Variants in OPRPN observed in about 807,000 individuals in gnomAD.
OPRPN encodes opiorphin prepropeptide.
A neutral mutation model predicts 2.2 loss-of-function variants in OPRPN; 1 was observed. The ratio of observed to expected loss-of-function variants is 0.45; its 90% confidence interval spans 0.16 to 2.15. The LOEUF is 2.15. Among genes scored for constraint, OPRPN ranks in the 30% most tolerant of loss-of-function variants. The pLI, the probability that OPRPN is intolerant of heterozygous loss-of-function variation, is 0.28. For missense variants in OPRPN, 306 were observed against 297.3 expected (o/e 1.03, Z -0.21); for synonymous variants, 126 against 111.5 (o/e 1.13, Z -0.82).
chr4:70,400,123 C>T (rs7682761), intron 2 of OPRPN, among the ~76,000 whole-genome samples: 37,281 of 151,636 alleles, frequency 0.25, 5,259 homozygotes, highest in African/African-American at 0.38. Flanking sequence ...GGTGGGCTTG[C>T]GAGGAGAGAA....
Position 70,409,475 on chromosome 4 carries a change from C to G in OPRPN, c.147C>G (p.Pro49=). The G allele has an allele frequency of 5.6e-6, 9 of 1,614,074 alleles. No individual in the cohort carries two copies. Among genetic ancestry groups the G allele is most frequent in the South Asian group, 1.1e-5 (1 of 91,076 alleles). The change falls in exon 3 of 3, where the codon CCC becomes CCG. Residue 49 remains proline (P), a synonymous_variant. Coordinates refer to ENST00000399575, the MANE Select transcript of OPRPN (RefSeq NM_021225.5). ...LYRPRWVPPS[P]PPPYDSRLNS... ...GGCCAAGATGGGTTCCACCAAGTCC[C>G]CCACCTCCCTATGACTCAAGACTTA...
chr4:70,401,011 A>T (rs544191640), intron 2 of OPRPN, among the ~76,000 whole-genome samples: 63 of 152,036 alleles, frequency 4.1e-4, no homozygotes, highest in African/African-American at 1.4e-3. Context: ...TCTATCTACA[A>T]CCTTCTGTTT....
intron 2 of OPRPN, among the ~76,000 whole-genome samples, chr4:70,402,107 AT>A (rs1398255380): frequency 6.6e-6 from 1 of 152,178 alleles, no homozygotes; most frequent in African/African-American, 2.4e-5. Flanking sequence ...ATAAGCAGAT[AT>A]CAAATAACCG....
Position 70,408,534 on chromosome 4 carries a change from C to A in OPRPN, c.52-846C>A, listed in dbSNP as rs75044659. 4.5e-3 allele frequency among the ~76,000 whole-genome samples: 682 copies of A among 152,290 alleles called. 7 individuals carry two copies. Among genetic ancestry groups the A allele is most frequent in the African/African-American group, 0.016 (658 of 41,556 alleles). On this transcript the variant is annotated intron_variant, in intron 2 of 2. Coordinates refer to ENST00000399575, the MANE Select transcript of OPRPN (RefSeq NM_021225.5). ...GAATTGCTACCATCTACAAGCCATG[C>A]TTGTTATTAATAGAGTACAAAATCA...
At chr4:70,400,264 T>C (rs1732947580) in intron 2 of OPRPN, among the ~76,000 whole-genome samples, 1 of 151,944 alleles carries the variant, frequency 6.6e-6, no homozygotes, top group South Asian at 2.1e-4. Context: ...CTTCTTTTCA[T>C]AATATAGTAT....
chr4:70,402,925 C>A (rs1733013507), intron 2 of OPRPN, among the ~76,000 whole-genome samples: 1 of 152,010 alleles, frequency 6.6e-6, no homozygotes, highest in African/African-American at 2.4e-5. Context: ...GGTGAGGCTG[C>A]ATCAGGTCTC....
intron 1 of OPRPN, among the ~76,000 whole-genome samples, chr4:70,398,674 C>T (rs1560531680): frequency 6.6e-6 from 1 of 151,780 alleles, no homozygotes; most frequent in South Asian, 2.1e-4. Flanking sequence ...TTCTAATTCA[C>T]ACACTGATAG....
At chr4:70,406,690 T>C (rs1420931819) in intron 2 of OPRPN, among the ~76,000 whole-genome samples, 1 of 152,080 alleles carries the variant, frequency 6.6e-6, no homozygotes, top group East Asian at 1.9e-4. Context: ...CTAGTACTAG[T>C]TCTACATGGC....
At chr4:70,407,730 G>A (rs1366890090) in intron 2 of OPRPN, among the ~76,000 whole-genome samples, 1 of 152,134 alleles carries the variant, frequency 6.6e-6, no homozygotes, top group African/African-American at 2.4e-5. Flanking sequence ...AATACAGCCA[G>A]GGATTAGAAA....
At chr4:70,398,836 T>C (rs796674880) in intron 1 of OPRPN, among the ~76,000 whole-genome samples, 3 of 152,014 alleles carry the variant, frequency 2.0e-5, no homozygotes, top group African/African-American at 7.2e-5. Context: ...TATTAAGAAG[T>C]TATTTTTTAC....
intron 2 of OPRPN, among the ~76,000 whole-genome samples, chr4:70,406,025 A>G (rs948480684): frequency 3.3e-5 from 5 of 152,056 alleles, no homozygotes; most frequent in African/African-American, 1.2e-4. Flanking sequence ...CTGAGGTCAC[A>G]CCACTGCACG....
At chr4:70,407,833 A>C (rs1733124843) in intron 2 of OPRPN, among the ~76,000 whole-genome samples, 1 of 152,234 alleles carries the variant, frequency 6.6e-6, no homozygotes, top group African/African-American at 2.4e-5. Flanking sequence ...GGTCTTAAAC[A>C]GGAAGAGAGA....
At chr4:70,407,868 T>C (rs900065785) in intron 2 of OPRPN, among the ~76,000 whole-genome samples, 2 of 152,190 alleles carry the variant, frequency 1.3e-5, no homozygotes, top group Admixed American at 6.5e-5. Context: ...ATGAGTTTTA[T>C]AGGCATAGGG....
At chr4:70,404,613 T>C (rs368588761) in intron 2 of OPRPN, among the ~76,000 whole-genome samples, 1 of 152,202 alleles carries the variant, frequency 6.6e-6, no homozygotes, top group East Asian at 1.9e-4. Context: ...GCTTTCACTA[T>C]TGTCCCTGCA....
At chr4:70,406,400 A>C (rs1471558532) in intron 2 of OPRPN, among the ~76,000 whole-genome samples, 1 of 152,202 alleles carries the variant, frequency 6.6e-6, no homozygotes, top group Admixed American at 6.5e-5. Context: ...AATTACTATC[A>C]CTGTGAAAAA....
chr4:70,410,187 G>C lies in OPRPN; in HGVS notation c.*112G>C. On this transcript the variant is annotated 3_prime_UTR_variant, in exon 3 of 3. Transcript: ENST00000399575. ...AACCAGCACACTAAATAAAGTATTT[G>C]AGCAATAATATGCACCTATTGCTAT... is the stretch of plus-strand genomic sequence containing the variant. The C allele has an allele frequency of 2.8e-6, 2 of 717,456 alleles. No individual in the cohort carries two copies. Among genetic ancestry groups the C allele is most frequent in the Non-Finnish European group, 4.3e-6 (2 of 468,904 alleles). The allele number at this position is 717,456 out of a possible 1,614,324, so 44.4% of individuals were successfully genotyped here.
chr4:70,398,499 G>C (rs1194126567), intron 1 of OPRPN, among the ~76,000 whole-genome samples: 1 of 151,830 alleles, frequency 6.6e-6, no homozygotes, highest in Non-Finnish European at 1.5e-5. Flanking sequence ...CTGTCAACCT[G>C]TCTTACATCA....
At chr4:70,409,061 C>T (rs1270652793) in intron 2 of OPRPN, among the ~76,000 whole-genome samples, 1 of 152,168 alleles carries the variant, frequency 6.6e-6, no homozygotes, top group Middle Eastern at 3.2e-3. Flanking sequence ...CAAAGGTGGT[C>T]TTTTCTTATA....
At chr4:70,398,761 G>C (rs1411354028) in intron 1 of OPRPN, among the ~76,000 whole-genome samples, 1 of 151,724 alleles carries the variant, frequency 6.6e-6, no homozygotes, top group Non-Finnish European at 1.5e-5. Context: ...GATGTTAAAG[G>C]AAAAATACAC....
Sources: allele counts gnomAD v4.1 joint callset (sites outside exome capture counted in the v4.1 genomes callset), GRCh38; gene constraint gnomAD v4.1.1; transcripts MANE v1.5; gene names NCBI Gene and HGNC (gene_info 2026-07-23, HGNC 2026-07-21).